The following SLX9 variants were observed in gnomAD, a reference collection of about 807,000 sequenced individuals.
SLX9 encodes the protein ribosome biogenesis protein SLX9 homolog.
Under a neutral mutation model 20.8 loss-of-function variants are expected in SLX9, and 19 were observed. That is an observed-to-expected ratio of 0.91 (90% confidence interval 0.64 to 1.34). The LOEUF is 1.34. Among genes scored for constraint, SLX9 ranks in the 40% most tolerant of loss-of-function variants. The pLI, the probability that SLX9 is intolerant of heterozygous loss-of-function variation, is 0.00. For missense variants in SLX9, 299 were observed against 322.2 expected (o/e 0.93, Z 0.55); for synonymous variants, 113 against 137.1 (o/e 0.82, Z 1.23).
chr21:44,972,658 C>T (rs1476975871), intron 4 of SLX9, among the ~76,000 whole-genome samples: 3 of 152,244 alleles, frequency 2.0e-5, no homozygotes, highest in Admixed American at 6.5e-5. Flanking sequence ...CACTGTAGCA[C>T]AGCGTGCGCC....
intron 2 of SLX9, among the ~76,000 whole-genome samples, chr21:44,957,018 C>T (rs1359750906): frequency 1.3e-5 from 2 of 152,248 alleles, no homozygotes; most frequent in Non-Finnish European, 2.9e-5. Context: ...GAGCACGGGC[C>T]CTGGCTCCTG....
chr21:44,951,229 G>T (rs572434931), intron 2 of SLX9, among the ~76,000 whole-genome samples: 1 of 152,116 alleles, frequency 6.6e-6, no homozygotes, highest in Non-Finnish European at 1.5e-5. Context: ...CATACTGGGC[G>T]CAGAGGAGGC....
chr21:44,976,571 G>T, intron 5 of SLX9, 109 bp from the exon 6 acceptor site: 1 of 1,476,350 alleles, frequency 6.8e-7, no homozygotes, highest in South Asian at 1.3e-5. Context: ...CAGTCCCGTG[G>T]TGGCCCCAGG....
chr21:44,975,949 A>G (rs2085252949), intron 5 of SLX9, among the ~76,000 whole-genome samples: 1 of 152,238 alleles, frequency 6.6e-6, no homozygotes, highest in African/African-American at 2.4e-5. Context: ...AGCCTTGCAC[A>G]AGGCTCCGTG....
At chr21:44,972,285 C>G (rs1337339473) in intron 4 of SLX9, among the ~76,000 whole-genome samples, 1 of 152,152 alleles carries the variant, frequency 6.6e-6, no homozygotes, top group Non-Finnish European at 1.5e-5. Context: ...AACATTCGGC[C>G]AGGTGGGCGG....
chr21:44,968,053 A>G (rs1323704198), intron 4 of SLX9, among the ~76,000 whole-genome samples: 1 of 151,738 alleles, frequency 6.6e-6, no homozygotes, highest in African/African-American at 2.4e-5. Flanking sequence ...TGAGTGGCCA[A>G]GCCAGCGGGC....
At chr21:44,961,435 C>T (rs1025490809) in intron 3 of SLX9, among the ~76,000 whole-genome samples, 9 of 152,112 alleles carry the variant, frequency 5.9e-5, no homozygotes, top group African/African-American at 2.2e-4. Context: ...AAAAATTAGT[C>T]AGATTAGGTG....
At chr21:44,973,924 T>A (rs572825043) in intron 5 of SLX9, among the ~76,000 whole-genome samples, 1 of 152,248 alleles carries the variant, frequency 6.6e-6, no homozygotes, top group East Asian at 1.9e-4. Context: ...AAATGATGGG[T>A]GGACGCAGCC....
At chr21:44,966,421 A>T (rs2085036534) in intron 3 of SLX9, among the ~76,000 whole-genome samples, 1 of 152,212 alleles carries the variant, frequency 6.6e-6, no homozygotes, top group Non-Finnish European at 1.5e-5. Context: ...AGTGAGCAGC[A>T]TGTCCGAGCA....
At chr21:44,965,968 G>A (rs1412477353) in intron 3 of SLX9, among the ~76,000 whole-genome samples, 2 of 152,142 alleles carry the variant, frequency 1.3e-5, no homozygotes, top group East Asian at 1.9e-4. Context: ...ATAAACCCCC[G>A]TGATTCCCAA....
intron 1 of SLX9, among the ~76,000 whole-genome samples, chr21:44,942,676 G>T (rs1189336334): frequency 6.6e-6 from 1 of 152,180 alleles, no homozygotes; most frequent in Non-Finnish European, 1.5e-5. Flanking sequence ...TATGTGACAT[G>T]GGAGCCTTAT....
At position 44,967,649 on chromosome 21, in the gene SLX9, C is replaced by T. The variant is rs181191461; in HGVS notation, c.500+468C>T. ...TGAGTGGACCTTTCCCTGATGCCCA[C>T]CTAACACTGCACACCCTGTCCTGCC... On this transcript the variant is annotated intron_variant, in intron 4 of 5. Transcript: ENST00000291634. Among the ~76,000 whole-genome samples the T allele has an allele frequency of 3.1e-3, 472 of 152,338 alleles. 2 individuals are homozygous for T. The highest frequency in any genetic ancestry group is 5.1e-3 in the Non-Finnish European group (347 of 68,020).
At chr21:44,949,332 G>A (rs2146621637) in intron 2 of SLX9, among the ~76,000 whole-genome samples, 1 of 152,176 alleles carries the variant, frequency 6.6e-6, no homozygotes, top group South Asian at 2.1e-4. Flanking sequence ...CGGCTGTCAG[G>A]AGTGTCGGGC....
intron 5 of SLX9, among the ~76,000 whole-genome samples, chr21:44,976,376 G>A (rs2085262906): frequency 6.6e-6 from 1 of 152,208 alleles, no homozygotes; most frequent in Non-Finnish European, 1.5e-5. Context: ...TGCAGGGCTT[G>A]GGAGTTGCCG....
At chr21:44,969,330 G>A in intron 4 of SLX9, 1 of 420,470 alleles carries the variant, frequency 2.4e-6, no homozygotes, top group South Asian at 1.7e-5. Flanking sequence ...ATGTGACCCT[G>A]GTCAAGTATC....
chr21:44,940,329 C>A, intron 1 of SLX9, 143 bp downstream of exon 1: 2 of 1,148,186 alleles, frequency 1.7e-6, no homozygotes, highest in Non-Finnish European at 2.2e-6. Flanking sequence ...ACGCGACCTT[C>A]TTGCTTCGCG....
chr21:44,961,365 G>A lies in SLX9; in HGVS notation c.352+1197G>A, dbSNP rs537718822. On this transcript the variant is annotated intron_variant, in intron 3 of 5. Transcript: ENST00000291634. ...AGGTTGAGATGGAAGGATCACCTAC[G>A]CCCAGGAGTTTCAGACTAGCCTGGG... Among the ~76,000 whole-genome samples, 10 of 152,258 alleles carry A rather than the reference G, an allele frequency of 6.6e-5. No individual in the cohort carries two copies. In the East Asian group the frequency reaches 1.7e-3, roughly 26 times the overall value.
intron 2 of SLX9, among the ~76,000 whole-genome samples, chr21:44,952,275 G>A (rs1313783848): frequency 1.3e-5 from 2 of 152,210 alleles, no homozygotes; most frequent in East Asian, 1.9e-4. Flanking sequence ...TGCGCTGCTC[G>A]CCCCCGGGAA....
intron 4 of SLX9, among the ~76,000 whole-genome samples, chr21:44,970,577 C>G (rs1441415472): frequency 1.3e-5 from 2 of 152,184 alleles, no homozygotes; most frequent in African/African-American, 4.8e-5. Flanking sequence ...TGGGGTTTGG[C>G]GTGCCTGGGC....
Sources: allele counts gnomAD v4.1 joint callset (sites outside exome capture counted in the v4.1 genomes callset), GRCh38; gene constraint gnomAD v4.1.1; transcripts MANE v1.5; gene names NCBI Gene and HGNC (gene_info 2026-07-23, HGNC 2026-07-21).